Variants in CNTN4 observed in about 807,000 individuals in gnomAD.
CNTN4 encodes the protein contactin-4.
CNTN4 carries 77 observed loss-of-function variants against 122.5 expected under a neutral mutation model. The observed-to-expected ratio is 0.63, with a 90% CI of 0.52 to 0.76. The LOEUF (loss-of-function observed/expected upper bound fraction) is 0.76. Ranked by LOEUF, CNTN4 falls within the 30% of genes least tolerant of loss-of-function variation. CNTN4 has a pLI of 0.00. For synonymous variants in CNTN4, 512 were observed against 447.0 expected, an observed-to-expected ratio of 1.15 and a Z score of -1.83; for missense variants, 1,256 against 1,259.1, an observed-to-expected ratio of 1.00 and a Z score of 0.04.
At chr3:2,925,077 CTG>C (rs1559674389) in intron 12 of CNTN4, among the ~76,000 whole-genome samples, 1 of 152,156 alleles carries the variant, frequency 6.6e-6, no homozygotes, top group African/African-American at 2.4e-5. Context: ...TGAGAATATT[CTG>C]TGTCTTGATC....
intron 12 of CNTN4, 107 bp downstream of exon 12, chr3:2,903,112 A>C: frequency 8.9e-7 from 1 of 1,127,546 alleles, no homozygotes; most frequent in Non-Finnish European, 1.3e-6. Context: ...GGAGTAAAGA[A>C]ATCTTTAGGC....
intron 2 of CNTN4, among the ~76,000 whole-genome samples, chr3:2,168,294 A>T (rs2036291375): frequency 6.6e-6 from 1 of 152,236 alleles, no homozygotes; most frequent in Admixed American, 6.5e-5. Flanking sequence ...AGAGCAATAA[A>T]ATTATAAATT....
At chr3:2,111,675 A>T (rs896177258) in intron 2 of CNTN4, among the ~76,000 whole-genome samples, 5 of 152,144 alleles carry the variant, frequency 3.3e-5, no homozygotes, top group African/African-American at 9.7e-5. Context: ...AGTATGTAAC[A>T]TCAGACCAAG....
At chr3:2,785,903 C>CT (rs2091799182) in intron 6 of CNTN4, among the ~76,000 whole-genome samples, 1 of 130,326 alleles carries the variant, frequency 7.7e-6, no homozygotes, top group African/African-American at 2.7e-5. Flanking sequence ...CTGCCCCCCC[C>CT]CGCCCCCCCA....
At chr3:2,782,465 CTGTGTGTGTGTGTGTGTGTGTGTG>C (rs137927481) in intron 6 of CNTN4, among the ~76,000 whole-genome samples, 19 of 133,208 alleles carry the variant, frequency 1.4e-4, no homozygotes, top group African/African-American at 4.0e-4. Flanking sequence ...CCTTCTTATT[CTGTGTGTGTGTGTGTGTGTGTGTG>C]TGTGTGTGTG....
At chr3:2,638,852 C>T (rs2082778156) in intron 4 of CNTN4, among the ~76,000 whole-genome samples, 1 of 152,164 alleles carries the variant, frequency 6.6e-6, no homozygotes, top group Admixed American at 6.5e-5. Flanking sequence ...TCTCATGTCC[C>T]TCAGCCAATA....
intron 3 of CNTN4, among the ~76,000 whole-genome samples, chr3:2,453,905 A>G (rs997892060): frequency 1.3e-5 from 2 of 152,086 alleles, no homozygotes; most frequent in Middle Eastern, 3.2e-3. Flanking sequence ...TGTATTTATA[A>G]AACTACAATT....
At chr3:2,503,625 C>T (rs930673798) in intron 3 of CNTN4, among the ~76,000 whole-genome samples, 3 of 152,050 alleles carry the variant, frequency 2.0e-5, no homozygotes, top group African/African-American at 7.2e-5. Context: ...CCCATGATAC[C>T]AGGCTGTCTG....
intron 14 of CNTN4, among the ~76,000 whole-genome samples, chr3:2,991,922 C>T (rs1695090143): frequency 6.6e-6 from 1 of 152,166 alleles, no homozygotes; most frequent in African/African-American, 2.4e-5. Context: ...TTCCGATTTC[C>T]TCATGTGTCT....
chr3:2,341,371 G>A (rs1172128158), intron 3 of CNTN4, among the ~76,000 whole-genome samples: 2 of 152,184 alleles, frequency 1.3e-5, no homozygotes, highest in Non-Finnish European at 1.5e-5. Context: ...AACTTCTGAA[G>A]CCAGTGATTG....
chr3:2,501,964 G>A (rs1559612224), intron 3 of CNTN4, among the ~76,000 whole-genome samples: 1 of 152,030 alleles, frequency 6.6e-6, no homozygotes, highest in Non-Finnish European at 1.5e-5. Context: ...TTAAAATATT[G>A]CATGGAATTA....
intron 2 of CNTN4, among the ~76,000 whole-genome samples, chr3:2,299,381 TATA>T (rs1330171867): frequency 6.6e-6 from 1 of 152,150 alleles, no homozygotes; most frequent in Non-Finnish European, 1.5e-5. Context: ...GGATGAATTA[TATA>T]GTTGTGAATT....
intron 13 of CNTN4, among the ~76,000 whole-genome samples, chr3:2,933,889 T>G (rs6442766): frequency 0.69 from 104,342 of 151,948 alleles, 36,061 homozygotes; most frequent in Middle Eastern, 0.78. Flanking sequence ...AATGAGAACA[T>G]CTATGGCTCA....
intron 2 of CNTN4, among the ~76,000 whole-genome samples, chr3:2,275,919 C>CAAAAAAA (rs767326367): frequency 9.3e-6 from 1 of 107,064 alleles, no homozygotes; most frequent in Non-Finnish European, 1.8e-5. Context: ...GACTCTGTCT[C>CAAAAAAA]AAAAAAAAAA....
chr3:2,563,813 T>C (rs1470522119), intron 3 of CNTN4, among the ~76,000 whole-genome samples: 1 of 152,116 alleles, frequency 6.6e-6, no homozygotes, highest in Non-Finnish European at 1.5e-5. Flanking sequence ...TTTAAAAATA[T>C]TGAAAGCATT....
intron 3 of CNTN4, among the ~76,000 whole-genome samples, chr3:2,461,416 G>A (rs1266879982): frequency 6.6e-6 from 1 of 152,112 alleles, no homozygotes; most frequent in African/African-American, 2.4e-5. Context: ...ACCCTGTGGA[G>A]TTATGGTTTT....
chr3:2,881,038 G>A (rs1328188669), intron 8 of CNTN4, among the ~76,000 whole-genome samples: 2 of 151,594 alleles, frequency 1.3e-5, no homozygotes, highest in African/African-American at 4.9e-5. Context: ...CATCATTCCA[G>A]GAAAGGAAGA....
chr3:3,052,782 C>T (rs547527546), intron 23 of CNTN4, among the ~76,000 whole-genome samples: 15 of 152,142 alleles, frequency 9.9e-5, no homozygotes, highest in Non-Finnish European at 1.8e-4. Context: ...ATGGTTGCCT[C>T]TTGGCTACCT....
chr3:2,851,284 G>C (rs2093546097), intron 7 of CNTN4, among the ~76,000 whole-genome samples: 1 of 152,154 alleles, frequency 6.6e-6, no homozygotes, highest in African/African-American at 2.4e-5. Context: ...TTTTTTAAGA[G>C]CACAGAAGTG....
Sources: allele counts gnomAD v4.1 joint callset (sites outside exome capture counted in the v4.1 genomes callset), GRCh38; gene constraint gnomAD v4.1.1; transcripts MANE v1.5; gene names NCBI Gene and HGNC (gene_info 2026-07-23, HGNC 2026-07-21).